Variants in CNTN4 observed in about 807,000 individuals in gnomAD.
CNTN4 encodes contactin-4.
Under a neutral mutation model 122.5 loss-of-function variants are expected in CNTN4, and 77 were observed. The observed-to-expected ratio is 0.63, with a 90% CI of 0.52 to 0.76. The LOEUF is 0.76. Ranked by LOEUF, CNTN4 falls within the 30% of genes least tolerant of loss-of-function variation. The probability of loss-of-function intolerance (pLI) is 0.00; values close to 1 mark genes in which losing one functional copy is unlikely to be tolerated. For missense variants in CNTN4, 1,256 were observed against 1,259.1 expected (o/e 1.00, Z 0.04); for synonymous variants, 512 against 447.0 (o/e 1.15, Z -1.83).
At chr3:2,853,833 A>C (rs1025829554) in intron 7 of CNTN4, among the ~76,000 whole-genome samples, 3 of 152,166 alleles carry the variant, frequency 2.0e-5, no homozygotes, top group Non-Finnish European at 2.9e-5. Context: ...TCCTCACTGA[A>C]CCAATCACTG....
At chr3:2,970,502 A>C (rs1260855523) in intron 13 of CNTN4, among the ~76,000 whole-genome samples, 1 of 152,022 alleles carries the variant, frequency 6.6e-6, no homozygotes, top group South Asian at 2.1e-4. Flanking sequence ...AGAGTGGTGC[A>C]GTGGCTTGAT....
intron 4 of CNTN4, among the ~76,000 whole-genome samples, chr3:2,723,772 A>T (rs1019956340): frequency 1.3e-5 from 2 of 152,134 alleles, no homozygotes; most frequent in Non-Finnish European, 2.9e-5. Context: ...CCAGAATCTC[A>T]TGTGTTACTT....
At position 2,281,887 on chromosome 3, in the gene CNTN4, G is replaced by A. The variant is rs540108863; in HGVS notation, c.-144-57291G>A. ...TTGGTATTCGTGACTCTCATTTTTG[G>A]TGAACCACTCTACTGACTCAAAAAC... On this transcript the variant is annotated intron_variant, in intron 2 of 24. Coordinates refer to ENST00000418658, the MANE Select transcript of CNTN4 (RefSeq NM_175607.3). Among the ~76,000 whole-genome samples the A allele has an allele frequency of 7.2e-5, 11 of 151,952 alleles. No homozygotes were observed. In the South Asian group the frequency reaches 1.0e-3, roughly 14 times the overall value.
chr3:2,657,140 C>T (rs1163189563), intron 4 of CNTN4, among the ~76,000 whole-genome samples: 5 of 152,062 alleles, frequency 3.3e-5, no homozygotes, highest in South Asian at 4.1e-4. Flanking sequence ...AGTACTTGAC[C>T]GGACAAGCAT....
At chr3:2,833,375 A>G (rs1475551024) in intron 7 of CNTN4, among the ~76,000 whole-genome samples, 2 of 152,260 alleles carry the variant, frequency 1.3e-5, no homozygotes, top group Non-Finnish European at 2.9e-5. Flanking sequence ...GTTTTTATAA[A>G]GAACATAAAA....
intron 2 of CNTN4, among the ~76,000 whole-genome samples, chr3:2,195,192 G>C (rs537929938): frequency 6.6e-6 from 1 of 152,278 alleles, no homozygotes; most frequent in East Asian, 1.9e-4. Context: ...TCTATGCCGG[G>C]ATCATTTCAC....
At chr3:2,342,127 T>C (rs993851317) in intron 3 of CNTN4, among the ~76,000 whole-genome samples, 2 of 152,238 alleles carry the variant, frequency 1.3e-5, no homozygotes, top group Admixed American at 1.3e-4. Context: ...TTTGGCTTTG[T>C]TTTCAAAGCT....
intron 2 of CNTN4, among the ~76,000 whole-genome samples, chr3:2,225,849 G>C (rs1175174856): frequency 6.6e-6 from 1 of 152,090 alleles, no homozygotes; most frequent in Non-Finnish European, 1.5e-5. Flanking sequence ...TGAATCTTAT[G>C]GGTCTCTCCT....
At chr3:2,218,796 C>T (rs574952016) in intron 2 of CNTN4, among the ~76,000 whole-genome samples, 1 of 152,276 alleles carries the variant, frequency 6.6e-6, no homozygotes, top group African/African-American at 2.4e-5. Context: ...ATGAATGAAG[C>T]CCTTCCATTT....
intron 4 of CNTN4, among the ~76,000 whole-genome samples, chr3:2,648,351 C>T (rs372417483): frequency 2.8e-4 from 42 of 152,248 alleles, no homozygotes; most frequent in African/African-American, 8.7e-4. Context: ...AAGGTTTGTG[C>T]CAACACTGCA....
At chr3:3,046,658 C>T (rs547177982) in intron 23 of CNTN4, among the ~76,000 whole-genome samples, 8 of 152,274 alleles carry the variant, frequency 5.3e-5, no homozygotes, top group African/African-American at 1.9e-4. Context: ...CAGCCAGTAC[C>T]AGCCTCTGCA....
chr3:2,127,762 A>G (rs1574893348), intron 2 of CNTN4, among the ~76,000 whole-genome samples: 1 of 152,192 alleles, frequency 6.6e-6, no homozygotes, highest in African/African-American at 2.4e-5. Flanking sequence ...ATGGAGCCAC[A>G]TTCATCATTG....
intron 3 of CNTN4, among the ~76,000 whole-genome samples, chr3:2,410,359 C>A (rs2047185618): frequency 6.6e-6 from 1 of 152,100 alleles, no homozygotes; most frequent in Non-Finnish European, 1.5e-5. Flanking sequence ...CATAATAATT[C>A]CAGAAGATTT....
intron 2 of CNTN4, among the ~76,000 whole-genome samples, chr3:2,160,191 G>T (rs1574966113): frequency 6.6e-6 from 1 of 152,008 alleles, no homozygotes; most frequent in African/African-American, 2.4e-5. Flanking sequence ...ATCCTTTTAT[G>T]ACTCTATAAA....
chr3:2,209,327 A>G (rs2038502503), intron 2 of CNTN4, among the ~76,000 whole-genome samples: 1 of 152,166 alleles, frequency 6.6e-6, no homozygotes, highest in Non-Finnish European at 1.5e-5. Context: ...CTTTGGGAAA[A>G]CCCATCATTT....
chr3:3,040,142 G>T lies in CNTN4; in HGVS notation c.2269G>T (p.Ala757Ser), dbSNP rs776662398. Residue 757 changes from alanine to serine, a missense_variant, in exon 20 of 25, where the codon GCC becomes TCC. By Grantham distance (99) the Ala-to-Ser change is moderately conservative. Coordinates refer to ENST00000418658, the MANE Select transcript of CNTN4 (RefSeq NM_175607.3). The part of the protein sequence containing the change: ...WMLTVLASAD[A>S]SRYVFRNESV... ...GCTGACAGTGCTGGCCTCAGCTGAT[G>T]CCTCTAGATACGTGTTCAGGAATGA... is the stretch of plus-strand genomic sequence containing the variant. The T allele has an allele frequency of 1.2e-6, 2 of 1,614,024 alleles. No homozygotes were observed. The highest frequency in any genetic ancestry group is 1.7e-5 in the Admixed American group (1 of 60,012).
In CNTN4 at chr3:2,198,028, GA is replaced by G. The variant is rs5846169; in HGVS notation, c.-145+97403del. 2.7e-3 allele frequency among the ~76,000 whole-genome samples: 379 copies of G among 138,018 alleles called. 1 individual carries two copies. The highest frequency in any genetic ancestry group is 7.3e-3 in the African/African-American group (260 of 35,474). 90.5% of individuals were successfully genotyped at this position (138,018 alleles called of 152,430 possible). A position where few individuals can be genotyped will look rare whatever the true frequency, so the allele number is the denominator to read the frequency against. ...ACAGAGGCAACAGACACTCTCTCTGGAAAAAAAAAAAAAAGGAGAGAATTTT... is the reference window on the plus strand; with the variant it reads ...ACAGAGGCAACAGACACTCTCTCTGGAAAAAAAAAAAAAGGAGAGAATTTT... On this transcript the variant is annotated intron_variant, in intron 2 of 24. Transcript: ENST00000418658.
intron 13 of CNTN4, among the ~76,000 whole-genome samples, chr3:2,952,071 A>C (rs765368951): frequency 2.6e-5 from 4 of 152,230 alleles, no homozygotes; most frequent in African/African-American, 7.2e-5. Flanking sequence ...TGAGGCCCCA[A>C]ATTCTGGTGA....
At chr3:2,884,092 C>G (rs533556855) in intron 9 of CNTN4, among the ~76,000 whole-genome samples, 47 of 151,566 alleles carry the variant, frequency 3.1e-4, no homozygotes, top group African/African-American at 1.1e-3. Flanking sequence ...AAGGCAACAA[C>G]AGTAACTTTT....
Sources: allele counts gnomAD v4.1 joint callset (sites outside exome capture counted in the v4.1 genomes callset), GRCh38; gene constraint gnomAD v4.1.1; transcripts MANE v1.5; gene names NCBI Gene and HGNC (gene_info 2026-07-23, HGNC 2026-07-21).